Variants in BMP2K observed in about 807,000 individuals in gnomAD.
The protein encoded by BMP2K is BMP2 inducible kinase.
In BMP2K, 74 loss-of-function variants were observed where a neutral mutation model predicts 116.0. That is an observed-to-expected ratio of 0.64 (90% CI 0.53 to 0.77). BMP2K has a LOEUF of 0.77. Among genes scored for constraint, BMP2K ranks in the 30% least tolerant of loss-of-function variants. The pLI is 0.00. For missense variants in BMP2K, 1,365 were observed against 1,403.6 expected, an observed-to-expected ratio of 0.97 and a Z score of 0.44; for synonymous variants, 486 against 502.5, an observed-to-expected ratio of 0.97 and a Z score of 0.44.
chr4:78,898,806 T>C (rs1383243473), intron 15 of BMP2K: 2 of 152,004 alleles, frequency 1.3e-5, no homozygotes, highest in Non-Finnish European at 2.9e-5. Context: ...AATAAACCTA[T>C]TGCTTCACTA....
At chr4:78,832,409 A>G (rs1193755334) in intron 2 of BMP2K, among the ~76,000 whole-genome samples, 1 of 152,168 alleles carries the variant, frequency 6.6e-6, no homozygotes, top group Non-Finnish European at 1.5e-5. Context: ...CACACATATT[A>G]CAATCCCTTT....
At chr4:78,791,789 C>T (rs1728014683) in intron 1 of BMP2K, among the ~76,000 whole-genome samples, 1 of 152,112 alleles carries the variant, frequency 6.6e-6, no homozygotes, top group Admixed American at 6.5e-5. Flanking sequence ...GAATTTCATT[C>T]CTTTTTAAGA....
intron 1 of BMP2K, among the ~76,000 whole-genome samples, chr4:78,792,245 GA>G (rs2109935707): frequency 6.6e-6 from 1 of 152,270 alleles, no homozygotes; most frequent in Non-Finnish European, 1.5e-5. Context: ...TAGTGATTTT[GA>G]GCATCTTTTC....
intron 15 of BMP2K, 118 bp from the exon 16 acceptor site, chr4:78,910,492 C>T: frequency 1.2e-6 from 1 of 848,556 alleles, no homozygotes. Context: ...TTATTTTTTC[C>T]TCTAAGGGAA....
intron 6 of BMP2K, among the ~76,000 whole-genome samples, chr4:78,848,782 C>T (rs1266582667): frequency 6.7e-6 from 1 of 150,330 alleles, no homozygotes; most frequent in Non-Finnish European, 1.5e-5. Flanking sequence ...AAACTGTAAG[C>T]TGTGGGCTTA....
intron 15 of BMP2K, among the ~76,000 whole-genome samples, chr4:78,904,676 A>G (rs1175654820): frequency 6.6e-6 from 1 of 151,952 alleles, no homozygotes; most frequent in Admixed American, 6.6e-5. Flanking sequence ...CAGATAGTAG[A>G]ATTCAGCAGA....
intron 2 of BMP2K, among the ~76,000 whole-genome samples, chr4:78,827,803 T>C (rs1466465467): frequency 1.3e-5 from 2 of 152,148 alleles, no homozygotes. Flanking sequence ...CTGCATGCAA[T>C]TCAGCCCACC....
intron 2 of BMP2K, among the ~76,000 whole-genome samples, chr4:78,829,839 T>TCTCTTCTCTTCTCTG (rs2110006444): frequency 6.6e-6 from 1 of 150,670 alleles, no homozygotes; most frequent in East Asian, 1.9e-4. Context: ...TCTCTTCTCT[T>TCTCTTCTCTTCTCTG]CTCTTCTCTT....
intron 15 of BMP2K, among the ~76,000 whole-genome samples, chr4:78,903,487 C>T (rs937379492): frequency 1.3e-5 from 2 of 151,884 alleles, no homozygotes; most frequent in Non-Finnish European, 2.9e-5. Flanking sequence ...ACACCCCCAC[C>T]CAATATTTAG....
At chr4:78,840,969 A>C (rs966662896) in intron 3 of BMP2K, among the ~76,000 whole-genome samples, 1 of 152,182 alleles carries the variant, frequency 6.6e-6, no homozygotes, top group African/African-American at 2.4e-5. Context: ...CTTAAACTAG[A>C]GAAGCCTGGG....
At chr4:78,778,364 G>T (rs564965012) in intron 1 of BMP2K, among the ~76,000 whole-genome samples, 18 of 152,294 alleles carry the variant, frequency 1.2e-4, no homozygotes, top group Admixed American at 2.0e-4. Context: ...TTCAAAAGGA[G>T]AGTTCGTTCA....
At position 78,831,814 on chromosome 4, in the gene BMP2K, A is replaced by G. The variant is rs1408437819; in HGVS notation, c.298-1768A>G. Among the ~76,000 whole-genome samples the G allele has an allele frequency of 5.3e-5, 8 of 152,282 alleles. No homozygotes were observed. The East Asian group carries it at 1.5e-3, about 29-fold the overall frequency. On this transcript the variant is annotated intron_variant, in intron 2 of 15. Coordinates refer to ENST00000502613, the MANE Select transcript of BMP2K (RefSeq NM_198892.2). ...TAGAATAAAAATTTCCTCCTTTTCTAGGGTTACATATGCTCAGTGCTCTGG... is the reference window on the plus strand; with the variant it reads ...TAGAATAAAAATTTCCTCCTTTTCTGGGGTTACATATGCTCAGTGCTCTGG...
chr4:78,855,792 A>C (rs1172215352), intron 7 of BMP2K, among the ~76,000 whole-genome samples: 2 of 152,174 alleles, frequency 1.3e-5, no homozygotes, highest in African/African-American at 4.8e-5. Flanking sequence ...TGTCAATAGA[A>C]AGATTTACAC....
chr4:78,900,374 C>T (rs112153587), intron 15 of BMP2K, among the ~76,000 whole-genome samples: 2,492 of 152,162 alleles, frequency 0.016, 69 homozygotes, highest in African/African-American at 0.057. Flanking sequence ...AGGTTGATAC[C>T]TCTAATCCCC....
intron 15 of BMP2K, among the ~76,000 whole-genome samples, chr4:78,902,924 A>G (rs954292652): frequency 1.3e-5 from 2 of 152,124 alleles, no homozygotes; most frequent in African/African-American, 4.8e-5. Context: ...GGCATTAACT[A>G]GGATCTCATT....
At chr4:78,882,226 A>G (rs1383966653) in intron 14 of BMP2K, among the ~76,000 whole-genome samples, 1 of 151,848 alleles carries the variant, frequency 6.6e-6, no homozygotes, top group Non-Finnish European at 1.5e-5. Context: ...ATTCTAAAAT[A>G]TTACTAATTA....
At chr4:78,870,361 T>C (rs1484131243) in intron 10 of BMP2K, among the ~76,000 whole-genome samples, 2 of 152,114 alleles carry the variant, frequency 1.3e-5, no homozygotes, top group African/African-American at 2.4e-5. Flanking sequence ...AAGTGCTAGA[T>C]GAAGGAATAA....
intron 2 of BMP2K, among the ~76,000 whole-genome samples, chr4:78,830,769 T>G (rs1008979364): frequency 2.6e-5 from 4 of 152,252 alleles, no homozygotes. Context: ...CCTCACTTCT[T>G]CAGCCTTCAT....
chr4:78,796,154 A>G (rs28635617), intron 1 of BMP2K, among the ~76,000 whole-genome samples: 18,846 of 152,108 alleles, frequency 0.12, 3,717 homozygotes, highest in African/African-American at 0.42. Flanking sequence ...ATGTCCAACA[A>G]TGATAGACTG....
Sources: gnomAD v4.1 joint callset for allele counts (sites outside exome capture counted in the v4.1 genomes callset) on GRCh38, gnomAD v4.1.1 for gene constraint, MANE v1.5 for transcripts, NCBI Gene and HGNC (gene_info 2026-07-23, HGNC 2026-07-21) for gene names.